Variants in CCDC3 observed in about 807,000 individuals in gnomAD.
CCDC3 encodes coiled-coil domain-containing protein 3.
In CCDC3, 24 loss-of-function variants were observed where a neutral mutation model predicts 21.4. That is an observed-to-expected ratio of 1.12 (90% CI 0.81 to 1.58). The LOEUF is 1.58. CCDC3 is among the 40% of genes most tolerant of loss of function. The pLI is 0.00. For missense variants in CCDC3, 425 were observed against 360.9 expected, an observed-to-expected ratio of 1.18 and a Z score of -1.44; for synonymous variants, 186 against 166.0, an observed-to-expected ratio of 1.12 and a Z score of -0.93.
intron 3 of CCDC3, among the ~76,000 whole-genome samples, chr10:13,074,325 A>ATTTTTTTTTT (rs543893110): frequency 1.6e-5 from 1 of 62,796 alleles, no homozygotes; most frequent in African/African-American, 6.5e-5. Context: ...ATCCCGGCTA[A>ATTTTTTTTTT]TTTTTTTTTT....
At position 13,001,637 on chromosome 10, in the gene CCDC3, G is replaced by A; in HGVS notation, c.-67C>T. The A allele has an allele frequency of 9.8e-7, 1 of 1,020,208 alleles. No individual in the cohort carries two copies. The highest frequency in any genetic ancestry group is 1.2e-6 in the Non-Finnish European group (1 of 843,742). 63.2% of individuals were successfully genotyped at this position (1,020,208 alleles called of 1,614,324 possible). ...CGGGGAGCCCGCCGGCCCGGGAAGG[G>A]CAGCCCTGGGCGCTCGGCTGCTCGG... is the stretch of plus-strand genomic sequence containing the variant. On this transcript the variant is annotated 5_prime_UTR_variant, in exon 1 of 3. Transcript: ENST00000378825.
intron 3 of CCDC3, among the ~76,000 whole-genome samples, chr10:13,089,423 T>G (rs1415330489): frequency 6.6e-6 from 1 of 152,204 alleles, no homozygotes; most frequent in Non-Finnish European, 1.5e-5. Flanking sequence ...GTCCCATCAC[T>G]TGATTAGAGT....
intron 3 of CCDC3, among the ~76,000 whole-genome samples, chr10:13,075,681 C>CA (rs1483390637): frequency 2.0e-5 from 3 of 152,160 alleles, no homozygotes; most frequent in African/African-American, 7.2e-5. Context: ...GATGAGCCTT[C>CA]AATGCTCAAT....
chr10:12,975,354 G>A (rs1207011202), intron 2 of CCDC3, among the ~76,000 whole-genome samples: 1 of 152,140 alleles, frequency 6.6e-6, no homozygotes, highest in African/African-American at 2.4e-5. Context: ...TTTTGAAGAG[G>A]CAGGAACCTT....
At chr10:12,977,487 T>C (rs993852629) in intron 2 of CCDC3, among the ~76,000 whole-genome samples, 11 of 152,184 alleles carry the variant, frequency 7.2e-5, no homozygotes, top group African/African-American at 2.7e-4. Flanking sequence ...TAATAGTAGC[T>C]GATTGCAAAG....
chr10:12,963,387 C>A (rs950734454), intron 2 of CCDC3, among the ~76,000 whole-genome samples: 1 of 152,280 alleles, frequency 6.6e-6, no homozygotes, highest in African/African-American at 2.4e-5. Context: ...AATCCACATG[C>A]TAATCCCAAT....
At chr10:12,979,846 T>C (rs1032075517) in intron 2 of CCDC3, among the ~76,000 whole-genome samples, 1 of 152,146 alleles carries the variant, frequency 6.6e-6, no homozygotes, top group Admixed American at 6.5e-5. Flanking sequence ...TGACCTTCAG[T>C]AGGACAGTTT....
intron 2 of CCDC3, among the ~76,000 whole-genome samples, chr10:12,914,102 G>T (rs562539725): frequency 6.6e-6 from 1 of 152,296 alleles, no homozygotes; most frequent in Admixed American, 6.5e-5. Context: ...TGTACGGTGA[G>T]TTTGGAAGTA....
chr10:13,008,284 A>G (rs994016234), intron 5 of CCDC3, among the ~76,000 whole-genome samples: 1 of 152,222 alleles, frequency 6.6e-6, no homozygotes, highest in Non-Finnish European at 1.5e-5. Context: ...GTGAAAGGGC[A>G]TGACCCAGTT....
intron 2 of CCDC3, among the ~76,000 whole-genome samples, chr10:12,907,588 G>A (rs183027806): frequency 9.9e-4 from 150 of 152,278 alleles, no homozygotes; most frequent in African/African-American, 3.3e-3. Flanking sequence ...AGTTGGCAGT[G>A]AGCTGAGATC....
Position 13,087,974 on chromosome 10 carries a change from C to T in CCDC3, c.-503+10551G>A, listed in dbSNP as rs77431068. 6.9e-3 allele frequency among the ~76,000 whole-genome samples: 1,051 copies of T among 152,234 alleles called. 8 individuals are homozygous for T. Among genetic ancestry groups the T allele is most frequent in the South Asian group, 0.028 (133 of 4,812 alleles). On this transcript the variant is annotated intron_variant, in intron 3 of 6. Transcript: ENST00000378839. ...TATAAAATGATCAGATCCAGGATTC[C>T]ACTAGTTGGTAAAAAGTCTTTGTGT...
chr10:12,972,487 C>G (rs895309593), intron 2 of CCDC3, among the ~76,000 whole-genome samples: 2 of 152,130 alleles, frequency 1.3e-5, no homozygotes, highest in African/African-American at 4.8e-5. Flanking sequence ...CCAAAGTCAC[C>G]TAGAAACTCC....
At chr10:12,941,498 G>A (rs1834830675) in intron 2 of CCDC3, among the ~76,000 whole-genome samples, 1 of 152,104 alleles carries the variant, frequency 6.6e-6, no homozygotes, top group South Asian at 2.1e-4. Flanking sequence ...GTAACAGGTG[G>A]GCTTCAGAGG....
intron 3 of CCDC3, among the ~76,000 whole-genome samples, chr10:13,079,415 A>G (rs1227760615): frequency 6.7e-6 from 1 of 150,314 alleles, no homozygotes; most frequent in Non-Finnish European, 1.5e-5. Flanking sequence ...CTCATGCATG[A>G]GCCAAGGAAG....
intron 3 of CCDC3, among the ~76,000 whole-genome samples, chr10:13,074,375 G>A (rs1186292094): frequency 6.6e-4 from 60 of 91,574 alleles, no homozygotes; most frequent in African/African-American, 2.3e-3. Flanking sequence ...TAGTAGAGAC[G>A]GGGTTTTTCC....
chr10:13,068,232 G>A (rs1163303896), intron 4 of CCDC3, among the ~76,000 whole-genome samples: 1 of 152,086 alleles, frequency 6.6e-6, no homozygotes, highest in Non-Finnish European at 1.5e-5. Flanking sequence ...TTCTGGCCCT[G>A]TCTCTTAAAA....
At chr10:12,991,805 G>T (rs1056193218) in intron 2 of CCDC3, among the ~76,000 whole-genome samples, 17 of 152,186 alleles carry the variant, frequency 1.1e-4, no homozygotes, top group African/African-American at 4.1e-4. Flanking sequence ...ACACTAAACA[G>T]TTAGAAGCAA....
chr10:13,093,757 C>G (rs1832602315), intron 3 of CCDC3, among the ~76,000 whole-genome samples: 1 of 151,708 alleles, frequency 6.6e-6, no homozygotes, highest in African/African-American at 2.4e-5. Flanking sequence ...AAGTGAGACA[C>G]CTTAGTTTGG....
At chr10:12,933,413 G>A (rs1483597134) in intron 2 of CCDC3, among the ~76,000 whole-genome samples, 2 of 151,236 alleles carry the variant, frequency 1.3e-5, no homozygotes, top group Non-Finnish European at 2.9e-5. Flanking sequence ...ATTTTGTTGA[G>A]GTTATCAGAT....
Sources: gnomAD v4.1 joint callset for allele counts (sites outside exome capture counted in the v4.1 genomes callset) on GRCh38, gnomAD v4.1.1 for gene constraint, MANE v1.5 for transcripts, NCBI Gene and HGNC (gene_info 2026-07-23, HGNC 2026-07-21) for gene names.